Variants in GNG4 observed in about 807,000 individuals in gnomAD.
The protein encoded by GNG4 is G protein subunit gamma 4.
In GNG4, 4 loss-of-function variants were observed where a neutral mutation model predicts 5.8. That is an observed-to-expected ratio of 0.69 (90% CI 0.34 to 1.57). The LOEUF is 1.57. GNG4 is among the 40% of genes most tolerant of loss of function. GNG4 has a pLI of 0.06. For synonymous variants in GNG4, 29 were observed against 32.9 expected (o/e 0.88, Z 0.41); for missense variants, 96 against 95.1 (o/e 1.01, Z -0.04).
At chr1:235,643,205 ACCTTCACAC>A (rs1179563660) in intron 1 of GNG4, among the ~76,000 whole-genome samples, 2 of 151,862 alleles carry the variant, frequency 1.3e-5, no homozygotes, top group African/African-American at 4.8e-5. Flanking sequence ...GGTCAGTCTC[ACCTTCACAC>A]CCCGGCTCTG....
chr1:235,646,387 C>T (rs190742493), intron 1 of GNG4, among the ~76,000 whole-genome samples: 10 of 152,342 alleles, frequency 6.6e-5, no homozygotes, highest in Admixed American at 5.2e-4. Context: ...CCAGAACACT[C>T]CTGGACAGAG....
intron 1 of GNG4, among the ~76,000 whole-genome samples, chr1:235,608,750 C>G (rs1354474711): frequency 6.6e-6 from 1 of 150,952 alleles, no homozygotes; most frequent in African/African-American, 2.4e-5. Flanking sequence ...GTGGTGCAAT[C>G]TCGGCTCACT....
intron 1 of GNG4, among the ~76,000 whole-genome samples, chr1:235,605,243 T>C (rs766494748): frequency 1.7e-4 from 26 of 149,766 alleles, no homozygotes; most frequent in African/African-American, 6.4e-4. Flanking sequence ...CAGGCTGGAG[T>C]GCAGCGGCAC....
chr1:235,597,876 C>T (rs1198146592), intron 1 of GNG4, among the ~76,000 whole-genome samples: 21 of 152,010 alleles, frequency 1.4e-4, no homozygotes, highest in Admixed American at 1.4e-3. Flanking sequence ...GATCCACTCA[C>T]CTCCCAAAGT....
chr1:235,582,575 G>C (rs750423040), intron 3 of GNG4, among the ~76,000 whole-genome samples: 57 of 152,288 alleles, frequency 3.7e-4, no homozygotes, highest in Non-Finnish European at 5.9e-4. Flanking sequence ...TCTGGAGCAC[G>C]GGATGCCTGC....
intron 1 of GNG4, among the ~76,000 whole-genome samples, chr1:235,639,604 C>A (rs2102987735): frequency 6.6e-6 from 1 of 152,164 alleles, no homozygotes; most frequent in South Asian, 2.1e-4. Context: ...AGTGCAGTGG[C>A]ACTATCTTAG....
At chr1:235,639,236 T>G (rs1657239640) in intron 1 of GNG4, among the ~76,000 whole-genome samples, 1 of 152,228 alleles carries the variant, frequency 6.6e-6, no homozygotes, top group African/African-American at 2.4e-5. Context: ...GTTCCAAGGA[T>G]TAGAGGGTGG....
At chr1:235,613,625 G>A (rs1286336567) in intron 1 of GNG4, among the ~76,000 whole-genome samples, 1 of 152,172 alleles carries the variant, frequency 6.6e-6, no homozygotes, top group Non-Finnish European at 1.5e-5. Context: ...CTAGAAGCTG[G>A]AAAAGGCAAG....
intron 3 of GNG4, among the ~76,000 whole-genome samples, chr1:235,569,060 C>T (rs185781338): frequency 4.1e-4 from 62 of 152,132 alleles, no homozygotes; most frequent in Admixed American, 9.8e-4. Context: ...CTTCTGACCT[C>T]TTCTGATCCT....
intron 3 of GNG4, among the ~76,000 whole-genome samples, chr1:235,560,635 G>A (rs561761362): frequency 6.6e-6 from 1 of 152,316 alleles, no homozygotes; most frequent in South Asian, 2.1e-4. Context: ...TTGAGAAACA[G>A]ACACGAAGAA....
intron 1 of GNG4, among the ~76,000 whole-genome samples, chr1:235,601,835 T>C (rs1571907812): frequency 6.6e-6 from 1 of 152,320 alleles, no homozygotes; most frequent in East Asian, 1.9e-4. Flanking sequence ...CGTGGATGTG[T>C]CTACAGCTTA....
At chr1:235,633,685 C>T (rs1161818118) in intron 1 of GNG4, among the ~76,000 whole-genome samples, 1 of 152,080 alleles carries the variant, frequency 6.6e-6, no homozygotes, top group South Asian at 2.1e-4. Flanking sequence ...GACAGAAGTT[C>T]ACTTTGTTGC....
chr1:235,616,380 G>A, intron 1 of GNG4: 1 of 355,750 alleles, frequency 2.8e-6, no homozygotes, highest in South Asian at 2.4e-5. Flanking sequence ...ATATATTCAG[G>A]ACAGATCCAG....
At chr1:235,606,990 G>T (rs1156377060) in intron 1 of GNG4, among the ~76,000 whole-genome samples, 1 of 145,600 alleles carries the variant, frequency 6.9e-6, no homozygotes, top group Non-Finnish European at 1.5e-5. Flanking sequence ...CCAGGCTGGA[G>T]TGCAGTCGTG....
rs371761245 is a variant in GNG4 at position 235,581,609 on chromosome 1, A to G, written c.99+2131T>C. ...GCCTGCTTACCCTTCACCTTCTGCCATGATTTTCAATTTCCTGAGGCCTCC... is the reference window on the plus strand; with the variant it reads ...GCCTGCTTACCCTTCACCTTCTGCCGTGATTTTCAATTTCCTGAGGCCTCC... On this transcript the variant is annotated intron_variant, in intron 3 of 3. Coordinates refer to ENST00000391854, the MANE Select transcript of GNG4 (RefSeq NM_001098722.2). 1.6e-4 allele frequency among the ~76,000 whole-genome samples: 24 copies of G among 151,724 alleles called. No individual in the cohort carries two copies. The South Asian group carries it at 4.4e-3, about 28-fold the overall frequency.
chr1:235,634,341 G>A lies in GNG4; in HGVS notation c.-123+15321C>T, dbSNP rs184177613. On this transcript the variant is annotated intron_variant, in intron 1 of 3. Transcript: ENST00000391854. ...AGCAATAGGCCAGTTAGCAAGAGAG[G>A]AGCTGACTGGAGGAGACAAAGGCTT... Among the ~76,000 whole-genome samples, 415 of 152,320 alleles carry A rather than the reference G, an allele frequency of 2.7e-3. 6 individuals are homozygous for A. Among genetic ancestry groups the A allele is most frequent in the Admixed American group, 0.023 (356 of 15,304 alleles).
chr1:235,598,737 T>C (rs1482042446), intron 1 of GNG4, among the ~76,000 whole-genome samples: 1 of 151,282 alleles, frequency 6.6e-6, no homozygotes, highest in Non-Finnish European at 1.5e-5. Context: ...AGGTGATTTT[T>C]TTTTTTTTGA....
chr1:235,632,552 G>A lies in GNG4; in HGVS notation c.-123+17110C>T, dbSNP rs539153935. Among the ~76,000 whole-genome samples, 3 of 152,316 alleles carry A rather than the reference G, an allele frequency of 2.0e-5. No individual in the cohort carries two copies. In the East Asian group the frequency reaches 5.8e-4, roughly 29 times the overall value. On this transcript the variant is annotated intron_variant, in intron 1 of 3. Coordinates refer to ENST00000391854, the MANE Select transcript of GNG4 (RefSeq NM_001098722.2). ...TTTTTCAGACAGGAGGAGTGGATGA[G>A]GAGCCAGGAGACTTGCTTTTAATCC...
intron 3 of GNG4, among the ~76,000 whole-genome samples, chr1:235,574,758 A>C (rs1425852550): frequency 2.0e-5 from 3 of 152,008 alleles, no homozygotes; most frequent in African/African-American, 7.3e-5. Flanking sequence ...TGTTTTCTCT[A>C]CATTTTTCTT....
Sources: gnomAD v4.1 joint callset for allele counts (sites outside exome capture counted in the v4.1 genomes callset) on GRCh38, gnomAD v4.1.1 for gene constraint, MANE v1.5 for transcripts, NCBI Gene and HGNC (gene_info 2026-07-23, HGNC 2026-07-21) for gene names.